The following ATOSA variants were observed in gnomAD, a reference collection of about 807,000 sequenced individuals.
ATOSA encodes atos homolog A.
chr15:52,657,110 A>C, the ATOSA span: 1 of 152,286 alleles, frequency 6.6e-6, no homozygotes. Context: ...GAATCATAGA[A>C]ATTAAGGTAG....
chr15:52,675,559 C>T, the ATOSA span, among the ~76,000 whole-genome samples: 3 of 152,344 alleles, frequency 2.0e-5, no homozygotes, highest in South Asian at 2.1e-4. Context: ...CCACACTTTA[C>T]TCACACTCTG....
chr15:52,600,158 A>G, the ATOSA span: 5 of 1,609,338 alleles, frequency 3.1e-6, no homozygotes, highest in Non-Finnish European at 4.3e-6. Flanking sequence ...AAGACTTGTT[A>G]TAGGTGGAGC....
chr15:52,700,344 A>C, the ATOSA span, among the ~76,000 whole-genome samples: 40 of 152,288 alleles, frequency 2.6e-4, no homozygotes, highest in Middle Eastern at 0.017. Flanking sequence ...GTAATATATA[A>C]CCCACAGTGT....
the ATOSA span, among the ~76,000 whole-genome samples, chr15:52,624,577 C>G: frequency 6.6e-6 from 1 of 152,160 alleles, no homozygotes; most frequent in Non-Finnish European, 1.5e-5. Context: ...AAGGAAAGGA[C>G]AGATCAATGC....
chr15:52,657,600 GTGTGTTTAGTAAGTGCC>G, the ATOSA span: 1 of 152,134 alleles, frequency 6.6e-6, no homozygotes, highest in African/African-American at 2.4e-5. Context: ...CTCATTGACT[GTGTGTTTAGTAAGTGCC>G]TGGCACAACC....
the ATOSA span, among the ~76,000 whole-genome samples, chr15:52,616,221 G>C: frequency 3.3e-5 from 5 of 152,210 alleles, no homozygotes; most frequent in Non-Finnish European, 7.4e-5. Flanking sequence ...GTGGAAGACA[G>C]TGGTGATGAA....
chr15:52,704,856 A>G, the ATOSA span, among the ~76,000 whole-genome samples: 2 of 152,188 alleles, frequency 1.3e-5, no homozygotes, highest in Non-Finnish European at 2.9e-5. Flanking sequence ...AGGAAACAAC[A>G]GACCCTGGAG....
the ATOSA span, chr15:52,609,293 A>C: frequency 1.2e-6 from 2 of 1,614,000 alleles, no homozygotes; most frequent in Non-Finnish European, 8.5e-7. Context: ...TGAGAAATGG[A>C]AACTGAGGAC....
At chr15:52,697,954 A>G in the ATOSA span, among the ~76,000 whole-genome samples, 4 of 109,812 alleles carry the variant, frequency 3.6e-5, no homozygotes, top group South Asian at 6.5e-4. Flanking sequence ...TCAGGGATGT[A>G]GAATTTTTTT....
chr15:52,670,056 C>T, the ATOSA span, among the ~76,000 whole-genome samples: 1 of 152,166 alleles, frequency 6.6e-6, no homozygotes, highest in Non-Finnish European at 1.5e-5. Context: ...GGGCTGTGTT[C>T]CAATTTGCCT....
chr15:52,631,060 C>T, the ATOSA span, among the ~76,000 whole-genome samples: 1 of 152,192 alleles, frequency 6.6e-6, no homozygotes, highest in Admixed American at 6.5e-5. Flanking sequence ...CAAGGTTCTG[C>T]TTCTCAAGCT....
At chr15:52,667,648 G>C in the ATOSA span, among the ~76,000 whole-genome samples, 1 of 152,198 alleles carries the variant, frequency 6.6e-6, no homozygotes, top group Admixed American at 6.5e-5. Flanking sequence ...CTGATTTCAA[G>C]TAACCAACTA....
At chr15:52,599,743 CT>C in the ATOSA span, among the ~76,000 whole-genome samples, 1 of 152,182 alleles carries the variant, frequency 6.6e-6, no homozygotes, top group Admixed American at 6.5e-5. Flanking sequence ...TACAGAAAAC[CT>C]TTTGGTTTTG....
the ATOSA span, chr15:52,609,379 T>C: frequency 1.9e-6 from 3 of 1,613,754 alleles, no homozygotes; most frequent in Non-Finnish European, 2.5e-6. Context: ...CGAACTGGAG[T>C]CATGCATGTT....
At chr15:52,605,165 G>T in the ATOSA span, 1 of 1,610,432 alleles carries the variant, frequency 6.2e-7, no homozygotes, top group Non-Finnish European at 8.5e-7. Flanking sequence ...CCAGTTTGAG[G>T]ATGAAAGGCT....
the ATOSA span, among the ~76,000 whole-genome samples, chr15:52,587,844 C>A: frequency 5.9e-5 from 9 of 152,150 alleles, no homozygotes; most frequent in African/African-American, 2.2e-4. Flanking sequence ...GCTATAAAAT[C>A]TCACTTTCCT....
chr15:52,592,018 C>CTTAGTCTGGAGTA, the ATOSA span, among the ~76,000 whole-genome samples: 33 of 152,324 alleles, frequency 2.2e-4, no homozygotes, highest in African/African-American at 7.7e-4. Context: ...CTAAAATCTT[C>CTTAGTCTGGAGTA]ACCCTTAGAA....
the ATOSA span, among the ~76,000 whole-genome samples, chr15:52,639,004 G>A: frequency 6.6e-6 from 1 of 151,224 alleles, no homozygotes; most frequent in Non-Finnish European, 1.5e-5. Context: ...AAAAATTACT[G>A]GAGAAAGTGA....
At chr15:52,582,610 T>C in the ATOSA span, among the ~76,000 whole-genome samples, 2 of 152,210 alleles carry the variant, frequency 1.3e-5, no homozygotes. Flanking sequence ...CCACAGTACA[T>C]GCACCTTTCC....
Sources: allele counts gnomAD v4.1 joint callset (sites outside exome capture counted in the v4.1 genomes callset), GRCh38; gene constraint gnomAD v4.1.1; transcripts MANE v1.5; gene names NCBI Gene and HGNC (gene_info 2026-07-23, HGNC 2026-07-21).